MARCHF1: variants seen among roughly 807,000 people sequenced by gnomAD.
MARCHF1 encodes the protein membrane associated ring-CH-type finger 1, also known as E3 ubiquitin-protein ligase MARCHF1.
MARCHF1 carries 40 observed loss-of-function variants against 54.2 expected under a neutral mutation model. That is an observed-to-expected ratio of 0.74 (90% CI 0.57 to 0.96). MARCHF1 has a LOEUF of 0.96. Among genes scored for constraint, MARCHF1 ranks in the 40% least tolerant of loss-of-function variants. MARCHF1 has a pLI of 0.00. For synonymous variants in MARCHF1, 236 were observed against 236.3 expected, an observed-to-expected ratio of 1.00 and a Z score of 0.01; for missense variants, 586 against 656.5, an observed-to-expected ratio of 0.89 and a Z score of 1.17.
At chr4:164,263,695 GACAC>G (rs1733530381) in intron 1 of MARCHF1, among the ~76,000 whole-genome samples, 1 of 45,292 alleles carries the variant, frequency 2.2e-5, no homozygotes, top group Non-Finnish European at 1.0e-4. Flanking sequence ...GGAACGAACA[GACAC>G]TTTTCAAAAG....
intron 3 of MARCHF1, among the ~76,000 whole-genome samples, chr4:163,951,827 A>G (rs1218453530): frequency 1.3e-5 from 2 of 152,182 alleles, no homozygotes; most frequent in African/African-American, 2.4e-5. Context: ...TGTTATCTCA[A>G]TAAGCTATAT....
chr4:163,552,901 C>G (rs1431277707), intron 8 of MARCHF1, among the ~76,000 whole-genome samples: 1 of 152,012 alleles, frequency 6.6e-6, no homozygotes, highest in Non-Finnish European at 1.5e-5. Flanking sequence ...GGCATGGTGG[C>G]GGGCGCCTGT....
intron 1 of MARCHF1, among the ~76,000 whole-genome samples, chr4:164,118,845 A>G (rs1755995911): frequency 6.6e-6 from 1 of 151,766 alleles, no homozygotes; most frequent in African/African-American, 2.4e-5. Context: ...TGAAAGAAAA[A>G]GTCACAATAA....
intron 4 of MARCHF1, among the ~76,000 whole-genome samples, chr4:163,743,954 C>T (rs1746283876): frequency 6.6e-6 from 1 of 152,178 alleles, no homozygotes; most frequent in South Asian, 2.1e-4. Context: ...GCTACAGCTC[C>T]AGCACTGGTT....
intron 1 of MARCHF1, among the ~76,000 whole-genome samples, chr4:164,153,897 T>TGG (rs1730008728): frequency 6.6e-6 from 1 of 152,308 alleles, no homozygotes; most frequent in Admixed American, 6.5e-5. Flanking sequence ...TGACTTTTCT[T>TGG]TGAAGTCTTA....
chr4:163,573,852 G>A (rs1168275096), intron 8 of MARCHF1, among the ~76,000 whole-genome samples: 1 of 151,688 alleles, frequency 6.6e-6, no homozygotes, highest in Non-Finnish European at 1.5e-5. Flanking sequence ...TGGGTCAAAT[G>A]GTATTTCTAG....
At chr4:164,177,009 TAC>T (rs760317145) in intron 1 of MARCHF1, among the ~76,000 whole-genome samples, 7 of 55,576 alleles carry the variant, frequency 1.3e-4, no homozygotes, top group African/African-American at 5.0e-4. Flanking sequence ...TATATATATA[TAC>T]AAATGATAGA....
At chr4:164,111,042 T>C (rs1271660548) in intron 2 of MARCHF1, among the ~76,000 whole-genome samples, 3 of 151,822 alleles carry the variant, frequency 2.0e-5, no homozygotes, top group Admixed American at 6.6e-5. Flanking sequence ...TTCTAATCCA[T>C]CTAAATCATA....
At chr4:164,200,076 C>T (rs1731412439) in intron 1 of MARCHF1, among the ~76,000 whole-genome samples, 1 of 152,174 alleles carries the variant, frequency 6.6e-6, no homozygotes, top group Admixed American at 6.5e-5. Flanking sequence ...TACAGAAGGA[C>T]TTTCTGGGTG....
intron 3 of MARCHF1, among the ~76,000 whole-genome samples, chr4:163,881,095 T>C (rs546386109): frequency 3.2e-4 from 49 of 152,332 alleles, no homozygotes; most frequent in African/African-American, 1.2e-3. Flanking sequence ...GAAATTACCA[T>C]AGCTTCATCC....
At chr4:164,243,741 C>G (rs919601657) in intron 1 of MARCHF1, among the ~76,000 whole-genome samples, 2 of 152,034 alleles carry the variant, frequency 1.3e-5, no homozygotes, top group African/African-American at 4.8e-5. Context: ...TACATAGCCT[C>G]AAAATAAAAG....
intron 3 of MARCHF1, among the ~76,000 whole-genome samples, chr4:163,972,570 G>C (rs1752567412): frequency 6.6e-6 from 1 of 152,036 alleles, no homozygotes; most frequent in African/African-American, 2.4e-5. Flanking sequence ...TTTTTGAGAT[G>C]GAGTCTTGCT....
intron 1 of MARCHF1, among the ~76,000 whole-genome samples, chr4:164,335,405 A>T (rs1729703850): frequency 6.6e-6 from 1 of 151,904 alleles, no homozygotes; most frequent in Non-Finnish European, 1.5e-5. Flanking sequence ...ATATGGTGAA[A>T]CCCTGTCTCT....
chr4:164,126,551 G>A (rs1425743783), intron 1 of MARCHF1, among the ~76,000 whole-genome samples: 2 of 152,206 alleles, frequency 1.3e-5, no homozygotes, highest in African/African-American at 2.4e-5. Flanking sequence ...AGTGGCTTTG[G>A]AATTGGCTAA....
chr4:164,073,267 C>A (rs973468663), intron 2 of MARCHF1, among the ~76,000 whole-genome samples: 1 of 152,122 alleles, frequency 6.6e-6, no homozygotes, highest in African/African-American at 2.4e-5. Flanking sequence ...CAGTGATAGA[C>A]TGGGTAAAGA....
intron 5 of MARCHF1, among the ~76,000 whole-genome samples, chr4:163,623,306 T>C (rs1741750814): frequency 6.6e-6 from 1 of 152,156 alleles, no homozygotes; most frequent in African/African-American, 2.4e-5. Flanking sequence ...TAGTAAAATG[T>C]AGGCATTCTG....
At chr4:163,718,878 C>G (rs1348223318) in intron 4 of MARCHF1, among the ~76,000 whole-genome samples, 1 of 152,152 alleles carries the variant, frequency 6.6e-6, no homozygotes, top group Non-Finnish European at 1.5e-5. Context: ...GTGTTAGCAT[C>G]TGCTATTGTA....
At chr4:164,050,737 A>G (rs1754346747) in intron 2 of MARCHF1, among the ~76,000 whole-genome samples, 1 of 152,208 alleles carries the variant, frequency 6.6e-6, no homozygotes, top group African/African-American at 2.4e-5. Context: ...GTTCGAGACC[A>G]GCCTGACCAA....
At chr4:163,695,751 G>A (rs1441859449) in intron 5 of MARCHF1, among the ~76,000 whole-genome samples, 3 of 152,108 alleles carry the variant, frequency 2.0e-5, no homozygotes, top group African/African-American at 4.8e-5. Flanking sequence ...CCTTTTGACA[G>A]TTGGCTTTTG....
Sources: gnomAD v4.1 joint callset for allele counts (sites outside exome capture counted in the v4.1 genomes callset) on GRCh38, gnomAD v4.1.1 for gene constraint, MANE v1.5 for transcripts, NCBI Gene and HGNC (gene_info 2026-07-23, HGNC 2026-07-21) for gene names.